Variants in MYB observed in about 807,000 individuals in gnomAD.
MYB encodes the protein MYB proto-oncogene, transcription factor, also known as transcriptional activator Myb.
MYB carries 28 observed loss-of-function variants against 92.9 expected under a neutral mutation model. The ratio of observed to expected loss-of-function variants is 0.30; its 90% confidence interval spans 0.22 to 0.41. The LOEUF (loss-of-function observed/expected upper bound fraction) is 0.41, where lower values mean the gene tolerates loss of function less well. Among genes scored for constraint, MYB ranks in the 10% least tolerant of loss-of-function variants. MYB has a pLI of 1.00. For synonymous variants in MYB, 295 were observed against 329.1 expected (o/e 0.90, Z 1.12); for missense variants, 679 against 929.3 (o/e 0.73, Z 3.50).
chr6:135,203,118 G>A, intron 14 of MYB, 99 bp from the exon 15 acceptor site: 1 of 868,668 alleles, frequency 1.2e-6, no homozygotes, highest in Admixed American at 2.1e-5. Flanking sequence ...ATGCTAATGT[G>A]TATCATCTCA....
At chr6:135,193,230 A>C (rs1192823685) in intron 6 of MYB, among the ~76,000 whole-genome samples, 2 of 152,214 alleles carry the variant, frequency 1.3e-5, no homozygotes, top group East Asian at 3.8e-4. Context: ...AGAAGAAGAA[A>C]GAGGAAAAAA....
intron 4 of MYB, 109 bp downstream of exon 4, chr6:135,189,992 A>C: frequency 7.3e-7 from 1 of 1,377,798 alleles, no homozygotes; most frequent in Non-Finnish European, 1.0e-6. Context: ...GAAGTAGAGG[A>C]CTCTATTCCC....
At position 135,190,061 on chromosome 6, in the gene MYB, AGAAT is replaced by A. The variant is rs1411212854; in HGVS notation, c.307-63_307-60del. On this transcript the variant is annotated intron_variant, in intron 4 of 15. Coordinates refer to ENST00000341911, the MANE Select transcript of MYB (RefSeq NM_001130173.2). This position sits in a 1 kb window ranked among gnomAD's most constrained non-coding sequence, Gnocchi z 4.5. ...TTTTCTAAAGATCTTGTAACACTGA[AGAAT>A]GATTATACTGACTCATTACATAACT... 6.5e-7 allele frequency: 1 copy of A among 1,539,730 alleles called. No individual in the cohort carries two copies. The highest frequency in any genetic ancestry group is 1.4e-5 in the African/African-American group (1 of 72,444).
rs190977950 is a variant in MYB, at chr6:135,196,715, A to G, written c.1204-246A>G. On this transcript the variant is annotated intron_variant, in intron 9 of 15. Coordinates refer to ENST00000341911, the MANE Select transcript of MYB (RefSeq NM_001130173.2). ...AGAAAAGGTCTTCATTTTGCTTTCC[A>G]TTGCATGCAGATGTAGAGTGTCGGG... is the stretch of plus-strand genomic sequence containing the variant. 20 of 1,476,170 alleles carry G rather than the reference A, an allele frequency of 1.4e-5. 1 individual carries two copies. The Middle Eastern group carries it at 7.0e-4, about 52-fold the overall frequency. 91.4% of individuals were successfully genotyped at this position (1,476,170 alleles called of 1,614,324 possible).
intron 10 of MYB, 128 bp from the exon 11 acceptor site, chr6:135,198,780 T>G: frequency 1.4e-6 from 1 of 708,624 alleles, no homozygotes; most frequent in Non-Finnish European, 2.3e-6. Flanking sequence ...AACATGCTTG[T>G]TAGCATCTTT....
chr6:135,193,947 A>G, intron 7 of MYB, 29 bp downstream of exon 7: 2 of 1,518,144 alleles, frequency 1.3e-6, no homozygotes, highest in South Asian at 2.2e-5. Context: ...CACTGTTCAA[A>G]GCACCACTTT....
Position 135,185,957 on chromosome 6 carries a change from T to C in MYB, c.78T>C (p.Tyr26=), listed in dbSNP as rs779832295. ...ACTTTGAGATGTGTGACCATGACTA[T>C]GATGGGCTGCTTCCCAAGTCTGGAA... is the stretch of plus-strand genomic sequence containing the variant. ...DEDFEMCDHD[Y]DGLLPKSGKR... Residue 26 remains tyrosine (Y), a synonymous_variant, in exon 2 of 16, where the codon TAT becomes TAC. Coordinates refer to ENST00000341911, the MANE Select transcript of MYB (RefSeq NM_001130173.2). 3.7e-6 allele frequency: 6 copies of C among 1,614,088 alleles called. No individual in the cohort carries two copies. The Admixed American group carries it at 5.0e-5, about 13-fold the overall frequency.
chr6:135,203,146 C>A, intron 14 of MYB, 71 bp from the exon 15 acceptor site: 2 of 1,104,810 alleles, frequency 1.8e-6, no homozygotes, highest in East Asian at 4.7e-5. Flanking sequence ...CTACTCTCCA[C>A]AGTGTTAGAA....
intron 15 of MYB, among the ~76,000 whole-genome samples, chr6:135,208,546 GTT>G (rs567088347): frequency 2.2e-5 from 3 of 134,610 alleles, no homozygotes; most frequent in Non-Finnish European, 3.2e-5. Flanking sequence ...TGCCCAGCTA[GTT>G]TTTTTTTTTT....
intron 7 of MYB, 125 bp from the exon 8 acceptor site, chr6:135,194,231 G>T: frequency 1.4e-6 from 1 of 693,918 alleles, no homozygotes; most frequent in Non-Finnish European, 2.4e-6. Context: ...AAATTTGGTT[G>T]GTGGTGTTGT....
chr6:135,211,120 G>A (rs1257271972), intron 15 of MYB, among the ~76,000 whole-genome samples: 6 of 150,352 alleles, frequency 4.0e-5, no homozygotes, highest in South Asian at 2.1e-4. Context: ...TCTGCTGTTC[G>A]TGTTGTCATT....
chr6:135,217,854 T>C lies in MYB; in HGVS notation c.2170-10T>C, dbSNP rs375516139. On this transcript the variant is annotated splice_polypyrimidine_tract_variant and intron_variant, in intron 15 of 15. Transcript: ENST00000341911. ...TCTGACGCTCCTGTTGCCATCCCTT[T>C]CTCCATCAGCCTTGTAGCAGTACCT... The C allele has an allele frequency of 6.3e-6, 10 of 1,579,750 alleles. No homozygotes were observed. Among genetic ancestry groups the C allele is most frequent in the Non-Finnish European group, 8.7e-6 (10 of 1,148,896 alleles).
At chr6:135,188,492 C>CTTTTTTTT (rs528623055) in intron 3 of MYB, among the ~76,000 whole-genome samples, 4 of 133,876 alleles carry the variant, frequency 3.0e-5, no homozygotes, top group Admixed American at 7.6e-5. Context: ...ATTTTTCTTT[C>CTTTTTTTT]TTTTTTTTTT....
chr6:135,188,666 T>C (rs1776260841), intron 3 of MYB, among the ~76,000 whole-genome samples: 1 of 151,952 alleles, frequency 6.6e-6, no homozygotes, highest in Non-Finnish European at 1.5e-5. Flanking sequence ...CCCGCCACCA[T>C]GCCTGGCTAA....
chr6:135,210,245 C>T (rs1779526794), intron 15 of MYB, among the ~76,000 whole-genome samples: 1 of 152,104 alleles, frequency 6.6e-6, no homozygotes, highest in Admixed American at 6.5e-5. Flanking sequence ...TTATAATTTC[C>T]TTTTATTCCT....
chr6:135,183,015 T>G (rs1379493328), intron 1 of MYB, among the ~76,000 whole-genome samples: 8 of 147,496 alleles, frequency 5.4e-5, no homozygotes, highest in Non-Finnish European at 1.1e-4. Flanking sequence ...TGTTTTTTTT[T>G]TTTTTTTTTT....
intron 9 of MYB, among the ~76,000 whole-genome samples, chr6:135,196,213 A>G (rs1777284701): frequency 6.6e-6 from 1 of 152,234 alleles, no homozygotes; most frequent in African/African-American, 2.4e-5. Context: ...AAATACTTAC[A>G]AAATAGGACT....
chr6:135,202,950 G>GT lies in MYB; in HGVS notation c.2062-261dup. The GT allele has an allele frequency of 4.5e-6, 3 of 673,616 alleles. No individual in the cohort carries two copies. The South Asian group carries it at 4.5e-5, about 10-fold the overall frequency. The allele number at this position is 673,616 out of a possible 1,614,324, so 41.7% of individuals were successfully genotyped here. A position where few individuals can be genotyped will look rare whatever the true frequency, so the allele number is the denominator to read the frequency against. Reference sequence around the variant, plus strand: ...GTATTTATTAATTCATTTAGCAGATGTTTTTTGAGTGCCTAACACATGCCT... The same window carrying GT: ...GTATTTATTAATTCATTTAGCAGATGTTTTTTTGAGTGCCTAACACATGCCT... On this transcript the variant is annotated intron_variant, in intron 14 of 15. Transcript: ENST00000341911.
intron 14 of MYB, 37 bp from the exon 15 acceptor site, chr6:135,203,180 A>C (rs1394757049): frequency 6.9e-7 from 1 of 1,441,324 alleles, no homozygotes. Flanking sequence ...ATATTATCCA[A>C]CCTCATTTAA....
Sources: gnomAD v4.1 joint callset for allele counts (sites outside exome capture counted in the v4.1 genomes callset) on GRCh38, gnomAD v4.1.1 for gene constraint, Gnocchi (gnomAD v3.1) non-coding constraint, MANE v1.5 for transcripts, NCBI Gene and HGNC (gene_info 2026-07-23, HGNC 2026-07-21) for gene names.